The following R3HDM1 variants were observed in gnomAD, a reference collection of about 807,000 sequenced individuals.
R3HDM1 encodes the protein R3H domain containing 1, also known as R3H domain-containing protein 1.
A neutral mutation model predicts 141.1 loss-of-function variants in R3HDM1; 46 were observed. That is an observed-to-expected ratio of 0.33 (90% CI 0.26 to 0.42). The LOEUF is 0.42. R3HDM1 is among the 10% of genes least tolerant of loss of function. The pLI, the probability that R3HDM1 is intolerant of heterozygous loss-of-function variation, is 1.00. For missense variants in R3HDM1, 1,184 were observed against 1,368.3 expected, an observed-to-expected ratio of 0.87 and a Z score of 2.12; for synonymous variants, 435 against 472.9, an observed-to-expected ratio of 0.92 and a Z score of 1.04.
At chr2:135,599,861 G>A (rs1016710103) in intron 1 of R3HDM1, among the ~76,000 whole-genome samples, 5 of 151,970 alleles carry the variant, frequency 3.3e-5, no homozygotes, top group African/African-American at 7.2e-5. Context: ...GCAAGACCCC[G>A]TCTCTACAAA....
At chr2:135,533,363 C>A (rs1452289154) in intron 1 of R3HDM1, among the ~76,000 whole-genome samples, 1 of 152,138 alleles carries the variant, frequency 6.6e-6, no homozygotes, top group Non-Finnish European at 1.5e-5. Context: ...TTGCCAGCTG[C>A]CAGCATAGTA....
intron 3 of R3HDM1, among the ~76,000 whole-genome samples, chr2:135,614,033 G>A (rs2060787812): frequency 6.6e-6 from 1 of 152,172 alleles, no homozygotes; most frequent in South Asian, 2.1e-4. Context: ...TCTGGACTGT[G>A]AGGTCTTTAA....
intron 21 of R3HDM1, among the ~76,000 whole-genome samples, chr2:135,706,522 C>T (rs1420765691): frequency 2.0e-5 from 3 of 152,006 alleles, no homozygotes; most frequent in Non-Finnish European, 2.9e-5. Context: ...GAGGACCCTG[C>T]GGCCTTACGC....
chr2:135,695,588 T>C (rs999935810), intron 21 of R3HDM1, among the ~76,000 whole-genome samples: 2 of 152,124 alleles, frequency 1.3e-5, no homozygotes, highest in African/African-American at 4.8e-5. Flanking sequence ...TAAAAAGTTA[T>C]AGAGAAAATC....
chr2:135,557,032 G>A (rs1239215288), intron 1 of R3HDM1, among the ~76,000 whole-genome samples: 5 of 151,970 alleles, frequency 3.3e-5, no homozygotes, highest in Admixed American at 2.6e-4. Flanking sequence ...TGTAAGAAAG[G>A]TACTGCTCTT....
intron 1 of R3HDM1, among the ~76,000 whole-genome samples, chr2:135,578,204 G>A (rs1705939300): frequency 1.3e-5 from 2 of 152,156 alleles, no homozygotes; most frequent in South Asian, 2.1e-4. Context: ...GAAAGAATGA[G>A]GAAAATCGCT....
intron 6 of R3HDM1, 48 bp downstream of exon 6, chr2:135,621,656 A>G: frequency 6.8e-7 from 1 of 1,465,638 alleles, no homozygotes; most frequent in Non-Finnish European, 9.1e-7. Flanking sequence ...TGCTATCAGT[A>G]ATTCCATCCT....
chr2:135,626,209 G>GTGTGTGCTTGCCTGCTTGCTTGCT (rs1553576638), intron 7 of R3HDM1, among the ~76,000 whole-genome samples: 2 of 143,334 alleles, frequency 1.4e-5, no homozygotes, highest in African/African-American at 2.9e-5. Flanking sequence ...GCGTGCGTGC[G>GTGTGTGCTTGCCTGCTTGCTTGCT]TGCTTGCTTG....
At chr2:135,604,532 A>G (rs2059887558) in intron 2 of R3HDM1, among the ~76,000 whole-genome samples, 1 of 152,322 alleles carries the variant, frequency 6.6e-6, no homozygotes, top group Non-Finnish European at 1.5e-5. Flanking sequence ...CCTGGACTCA[A>G]GCAGTCATCC....
rs527351557 is a variant in R3HDM1 at position 135,541,352 on chromosome 2, C to T, written c.-250+9719C>T. ...CCTCCTGAGTAGCTGGGACTACAGG[C>T]GCCCGCCACCATGCCCGGCTAATTT... On this transcript the variant is annotated intron_variant, in intron 1 of 26. Coordinates refer to ENST00000683871, the MANE Select transcript of R3HDM1 (RefSeq NM_001378107.1). Among the ~76,000 whole-genome samples, 40 of 152,164 alleles carry T rather than the reference C, an allele frequency of 2.6e-4. No individual in the cohort carries two copies. In the South Asian group the frequency reaches 6.0e-3, roughly 23 times the overall value.
intron 1 of R3HDM1, among the ~76,000 whole-genome samples, chr2:135,542,826 C>G (rs1697898204): frequency 6.6e-6 from 1 of 152,170 alleles, no homozygotes; most frequent in Non-Finnish European, 1.5e-5. Context: ...ACAACCTCCA[C>G]CTCCCAGGTT....
At chr2:135,692,393 A>C (rs977230458) in intron 21 of R3HDM1, among the ~76,000 whole-genome samples, 3 of 152,168 alleles carry the variant, frequency 2.0e-5, no homozygotes, top group African/African-American at 7.2e-5. Context: ...TGAGGTCAGG[A>C]GTTCTAGACC....
chr2:135,620,175 T>C, intron 5 of R3HDM1: 1 of 415,920 alleles, frequency 2.4e-6, no homozygotes, highest in Non-Finnish European at 3.2e-6. Context: ...TTAGTGAAGA[T>C]CTAAGAGGAG....
At chr2:135,668,276 G>A (rs1194773075) in intron 19 of R3HDM1, among the ~76,000 whole-genome samples, 1 of 152,088 alleles carries the variant, frequency 6.6e-6, no homozygotes, top group African/African-American at 2.4e-5. Flanking sequence ...TGCCTGTTGA[G>A]TACTTTTCTG....
intron 21 of R3HDM1, among the ~76,000 whole-genome samples, chr2:135,685,435 G>T (rs114786630): frequency 4.9e-4 from 74 of 152,240 alleles, no homozygotes; most frequent in African/African-American, 1.8e-3. Context: ...ACTTGGTTTT[G>T]GTTTCTTGTA....
chr2:135,568,509 C>T (rs537068020), intron 1 of R3HDM1, among the ~76,000 whole-genome samples: 120 of 152,052 alleles, frequency 7.9e-4, no homozygotes, highest in South Asian at 4.2e-4. Context: ...TCACTACACC[C>T]GGCTAATTTT....
chr2:135,701,430 A>G (rs899990398), intron 21 of R3HDM1, among the ~76,000 whole-genome samples: 1 of 152,108 alleles, frequency 6.6e-6, no homozygotes, highest in African/African-American at 2.4e-5. Context: ...ATATATACAC[A>G]TGCATACATA....
chr2:135,533,358 A>C (rs1289711508), intron 1 of R3HDM1, among the ~76,000 whole-genome samples: 1 of 152,262 alleles, frequency 6.6e-6, no homozygotes, highest in South Asian at 2.1e-4. Flanking sequence ...ATATATTGCC[A>C]GCTGCCAGCA....
intron 21 of R3HDM1, among the ~76,000 whole-genome samples, chr2:135,688,673 A>C (rs1012064219): frequency 3.3e-5 from 5 of 152,218 alleles, no homozygotes; most frequent in African/African-American, 1.2e-4. Flanking sequence ...ACGGTGGCTC[A>C]TGGCTGTGAT....
Sources: allele counts gnomAD v4.1 joint callset (sites outside exome capture counted in the v4.1 genomes callset), GRCh38; gene constraint gnomAD v4.1.1; transcripts MANE v1.5; gene names NCBI Gene and HGNC (gene_info 2026-07-23, HGNC 2026-07-21).